CFAP65: variants seen among roughly 807,000 people sequenced by gnomAD.
CFAP65 encodes cilia and flagella associated protein 65, also known as cilia- and flagella-associated protein 65.
In CFAP65, 155 loss-of-function variants were observed where a neutral mutation model predicts 208.0. The observed-to-expected ratio is 0.75, with a 90% CI of 0.65 to 0.85. The LOEUF (loss-of-function observed/expected upper bound fraction) is 0.85, where lower values mean the gene tolerates loss of function less well. Among genes scored for constraint, CFAP65 ranks in the 40% least tolerant of loss-of-function variants. The pLI, the probability that CFAP65 is intolerant of heterozygous loss-of-function variation, is 0.00. For synonymous variants in CFAP65, 970 were observed against 986.3 expected (o/e 0.98, Z 0.31); for missense variants, 2,294 against 2,451.3 (o/e 0.94, Z 1.36).
Position 219,031,520 on chromosome 2 carries a change from T to A in CFAP65, c.784A>T (p.Thr262Ser). Residue 262 changes from threonine to serine, a missense_variant, in exon 7 of 35, where the codon ACT (threonine) becomes TCT (serine). Around this residue, in one of 2 missense-constraint regions of CFAP65, gnomAD observed 867 missense variants for 1,012.6 expected, o/e 0.86. Transcript: ENST00000341552. The surrounding 1 kb of genome is among the most constrained non-coding windows in gnomAD (Gnocchi z 5.2). ...QLPMCAVGDTTEAFFCLDNVG... is the reference protein window; with the variant it reads ...QLPMCAVGDTSEAFFCLDNVG... ...TTATCCAGGCAGAAAAAGGCCTCAG[T>A]CGTATCTCCCACAGCACACATGGGC... The A allele has an allele frequency of 6.2e-7, 1 of 1,614,158 alleles. No homozygotes were observed. Among genetic ancestry groups the A allele is most frequent in the Non-Finnish European group, 8.5e-7 (1 of 1,180,028 alleles).
intron 23 of CFAP65, 55 bp from the exon 24 acceptor site, chr2:219,013,424 C>G (rs967202506): frequency 2.8e-5 from 43 of 1,542,052 alleles, no homozygotes; most frequent in Non-Finnish European, 3.7e-5. Flanking sequence ...GATCTGGACC[C>G]CAGTTCCCCA....
intron 9 of CFAP65, 147 bp from the exon 10 acceptor site, chr2:219,030,355 CACCA>C: frequency 1.2e-6 from 1 of 867,484 alleles, no homozygotes; most frequent in Non-Finnish European, 1.8e-6. Context: ...AGACTGCCTC[CACCA>C]GGAGGAGAGA....
At chr2:219,018,137 C>G (rs978318519) in intron 21 of CFAP65, 6 of 152,336 alleles carry the variant, frequency 3.9e-5, no homozygotes, top group African/African-American at 1.2e-4. Flanking sequence ...GAGCCCCCAC[C>G]TGCATATTTT....
intron 13 of CFAP65, chr2:219,027,409 G>T: frequency 6.7e-7 from 1 of 1,492,878 alleles, no homozygotes; most frequent in Admixed American, 2.2e-5. Flanking sequence ...CTTGATCTCA[G>T]CTGAGTTCTC....
In CFAP65 at chr2:219,028,303, C is replaced by T. The variant is rs769099677; in HGVS notation, c.1749G>A (p.Leu583=). The change falls in exon 12 of 35, where the codon CTG becomes CTA. Residue 583 remains leucine, a synonymous_variant. Transcript: ENST00000341552. ...GGGGGTAGAGCGTCAGGCCCCGGGC[C>T]AGGTGTGTGCGGTACCAGGTGAGGT... is the stretch of plus-strand genomic sequence containing the variant. ...PQHLTWYRTH[L]ARGLTLYPPD... The T allele has an allele frequency of 6.2e-7, 1 of 1,614,116 alleles. No individual in the cohort carries two copies. Among genetic ancestry groups the T allele is most frequent in the Admixed American group, 1.7e-5 (1 of 60,030 alleles).
Position 219,005,577 on chromosome 2 carries a change from A to G in CFAP65, c.4923-15T>C. On this transcript the variant is annotated splice_polypyrimidine_tract_variant and intron_variant, in intron 31 of 34. Coordinates refer to ENST00000341552, the MANE Select transcript of CFAP65 (RefSeq NM_194302.4). Reference sequence around the variant, plus strand: ...TTGGCAGCTCCCTGTGGCAGCCATGACATTCTGAGTGGCCTGGGCAAGCCA... The same window carrying G: ...TTGGCAGCTCCCTGTGGCAGCCATGGCATTCTGAGTGGCCTGGGCAAGCCA... The G allele has an allele frequency of 6.2e-7, 1 of 1,610,776 alleles. No individual in the cohort carries two copies. The highest frequency in any genetic ancestry group is 1.1e-5 in the South Asian group (1 of 90,972).
Position 219,014,043 on chromosome 2 carries a change from C to T in CFAP65, c.3604G>A (p.Ala1202Thr), listed in dbSNP as rs1435239490. 1 of 1,607,418 alleles carries T rather than the reference C, an allele frequency of 6.2e-7. No individual in the cohort carries two copies. Among genetic ancestry groups the T allele is most frequent in the Non-Finnish European group, 8.5e-7 (1 of 1,176,088 alleles). The change falls in exon 22 of 35, where the codon GCC (alanine) becomes ACC (threonine). Residue 1202 changes from alanine (A) to threonine (T), a missense_variant and splice_region_variant. Ala to Thr is a moderately conservative substitution (Grantham distance 58, BLOSUM62 0). Coordinates refer to ENST00000341552, the MANE Select transcript of CFAP65 (RefSeq NM_194302.4). Reference protein sequence around the residue: ...KNSGVVSLDWAFLLPSDQRID... With the variant: ...KNSGVVSLDWTFLLPSDQRID... Reference sequence around the variant, plus strand: ...CGCTGGTCACTTGGAAGGAGGAAGGCCCTGGGAGAGGGGTGCAAAGCCATA... The same window carrying T: ...CGCTGGTCACTTGGAAGGAGGAAGGTCCTGGGAGAGGGGTGCAAAGCCATA...
intron 21 of CFAP65, 127 bp from the exon 22 acceptor site, chr2:219,014,171 C>T (rs1467914018): frequency 4.0e-6 from 3 of 742,536 alleles, no homozygotes; most frequent in Admixed American, 3.1e-5. Context: ...ACCCATTTGG[C>T]AAACTGTCCC....
chr2:219,014,295 T>G, intron 21 of CFAP65: 1 of 351,544 alleles, frequency 2.8e-6, no homozygotes, highest in Non-Finnish European at 5.1e-6. Context: ...GGGCTCCCAC[T>G]GTGGATGCCA....
chr2:219,013,149 T>A, intron 24 of CFAP65, 110 bp downstream of exon 24: 2 of 785,870 alleles, frequency 2.5e-6, no homozygotes, highest in South Asian at 3.1e-5. Flanking sequence ...GCCCAGCCCC[T>A]CAATGCTTCC....
chr2:219,029,774 G>A, intron 10 of CFAP65, 106 bp from the exon 11 acceptor site: 2 of 1,380,062 alleles, frequency 1.4e-6, no homozygotes, highest in South Asian at 2.7e-5. Context: ...CAGAGCCCTG[G>A]CAGCCTGAGC....
At chr2:219,024,473 GGC>G (rs57404613) in intron 14 of CFAP65, among the ~76,000 whole-genome samples, 7,756 of 101,976 alleles carry the variant, frequency 0.076, 851 homozygotes, top group African/African-American at 0.23. Context: ...TCCAGAAAGG[GGC>G]GGGGGGGGGG....
chr2:219,027,219 A>G, intron 13 of CFAP65: 1 of 1,301,442 alleles, frequency 7.7e-7, no homozygotes, highest in Non-Finnish European at 9.7e-7. Flanking sequence ...CTGAGTCAGA[A>G]GCCCTTTCCA....
intron 2 of CFAP65, among the ~76,000 whole-genome samples, chr2:219,040,264 T>C (rs868722193): frequency 2.0e-5 from 3 of 152,188 alleles, no homozygotes; most frequent in African/African-American, 7.2e-5. Flanking sequence ...TGTGTTCAGA[T>C]TTAGCAAACA....
intron 22 of CFAP65, 124 bp from the exon 23 acceptor site, chr2:219,013,709 T>G: frequency 8.5e-7 from 1 of 1,183,356 alleles, no homozygotes; most frequent in Non-Finnish European, 1.2e-6. Context: ...CGCCCTTGAG[T>G]TGGGATGGGG....
chr2:219,021,653 C>T, intron 18 of CFAP65, 127 bp downstream of exon 18: 2 of 1,070,984 alleles, frequency 1.9e-6, no homozygotes, highest in Non-Finnish European at 2.7e-6. Context: ...TCAAGCAATA[C>T]TCCCACCTCA....
Position 219,013,549 on chromosome 2 carries a change from G to C in CFAP65, c.3816C>G (p.Leu1272=), listed in dbSNP as rs1401920349. ...TCTCCCGGCCATGGGACACCTTGAA[G>C]AGCACTGGGAGGTGATCAGTACCGA... ...LFIGTDHLPV[L]FKVSHGREIL... The change falls in exon 23 of 35, where the codon CTC becomes CTG. Residue 1272 remains leucine, a synonymous_variant. Coordinates refer to ENST00000341552, the MANE Select transcript of CFAP65 (RefSeq NM_194302.4). The C allele has an allele frequency of 1.2e-6, 2 of 1,601,452 alleles. No homozygotes were observed. The highest frequency in any genetic ancestry group is 1.7e-6 in the Non-Finnish European group (2 of 1,175,416).
In CFAP65 at chr2:219,013,533, C is replaced by A. The variant is rs140973398; in HGVS notation, c.3832G>T (p.Gly1278Cys). The change falls in exon 23 of 35, where the codon GGC (glycine) becomes TGC (cysteine). Residue 1278 changes from glycine to cysteine, a missense_variant. Gly to Cys is a radical substitution (Grantham distance 159). Transcript: ENST00000341552. ...TGGGGCCTCACCAGGATCTCCCGGC[C>A]ATGGGACACCTTGAAGAGCACTGGG... is the stretch of plus-strand genomic sequence containing the variant. ...HLPVLFKVSH[G>C]REILLNFIGV... 33 of 1,600,368 alleles carry A rather than the reference C, an allele frequency of 2.1e-5. No homozygotes were observed. In the African/African-American group the frequency reaches 3.7e-4, roughly 18 times the overall value.
intron 13 of CFAP65, chr2:219,027,131 G>A (rs1262238851): frequency 5.4e-6 from 6 of 1,116,496 alleles, no homozygotes; most frequent in Non-Finnish European, 6.6e-6. Context: ...TAACGGATGA[G>A]GAGGGGGCAC....
Sources: gnomAD v4.1 joint callset for allele counts (sites outside exome capture counted in the v4.1 genomes callset) on GRCh38, gnomAD v4.1.1 for gene constraint, gnomAD v4.1.1 regional missense constraint, Gnocchi (gnomAD v3.1) non-coding constraint, MANE v1.5 for transcripts, NCBI Gene and HGNC (gene_info 2026-07-23, HGNC 2026-07-21) for gene names.